GINM1: variants seen among roughly 807,000 people sequenced by gnomAD.
The protein encoded by GINM1 is glycosylated integral membrane protein 1.
GINM1 carries 29 observed loss-of-function variants against 37.8 expected under a neutral mutation model. The ratio of observed to expected loss-of-function variants is 0.77; its 90% confidence interval spans 0.57 to 1.05. GINM1 has a LOEUF of 1.05. Among genes scored for constraint, GINM1 ranks in the 50% least tolerant of loss-of-function variants. The pLI, the probability that GINM1 is intolerant of heterozygous loss-of-function variation, is 0.00. For synonymous variants in GINM1, 143 were observed against 146.2 expected, an observed-to-expected ratio of 0.98 and a Z score of 0.16; for missense variants, 377 against 397.9, an observed-to-expected ratio of 0.95 and a Z score of 0.45.
intron 7 of GINM1, 90 bp from the exon 8 acceptor site, chr6:149,590,634 ATAT>A (rs1360160959): frequency 1.5e-6 from 1 of 663,584 alleles, no homozygotes; most frequent in Non-Finnish European, 2.6e-6. Flanking sequence ...CCTTAGGTGT[ATAT>A]TATAACCTTG....
Position 149,566,853 on chromosome 6 carries a change from G to C in GINM1, c.120+319G>C, listed in dbSNP as rs1333045938. 6.6e-6 allele frequency among the ~76,000 whole-genome samples: 1 copy of C among 152,238 alleles called. No individual in the cohort carries two copies. The highest frequency in any genetic ancestry group is 1.5e-5 in the Non-Finnish European group (1 of 68,036). On this transcript the variant is annotated intron_variant, in intron 1 of 7. Transcript: ENST00000367419. The surrounding 1 kb of genome is among the most constrained non-coding windows in gnomAD (Gnocchi z 4.4). ...CGCGGTTGCCGGTGATCAGGCCTTC[G>C]TAATGGCGCCTTCCCGGGGTAGAGC... is the stretch of plus-strand genomic sequence containing the variant.
intron 1 of GINM1, among the ~76,000 whole-genome samples, chr6:149,570,139 TATATATATATATATATATATATATATATA>T: frequency 3.6e-4 from 1 of 2,792 alleles, no homozygotes; most frequent in African/African-American, 5.0e-4. Flanking sequence ...GTAGGTTTTA[TATATATATATATATATATATATATATATA>T]TATATATATA....
intron 1 of GINM1, among the ~76,000 whole-genome samples, chr6:149,572,078 A>AAAAT (rs35334853): frequency 0.4 from 60,046 of 150,180 alleles, 12,984 homozygotes; most frequent in East Asian, 0.83. Flanking sequence ...AGACTCTCAA[A>AAAAT]AAATAAATAA....
chr6:149,571,898 T>C (rs933235328), intron 1 of GINM1, among the ~76,000 whole-genome samples: 23 of 151,916 alleles, frequency 1.5e-4, no homozygotes, highest in Non-Finnish European at 3.2e-4. Context: ...CTGGCCAACA[T>C]GGTGAAACCC....
intron 5 of GINM1, 103 bp downstream of exon 5, chr6:149,580,093 G>T: frequency 1.3e-6 from 1 of 754,738 alleles, no homozygotes. Flanking sequence ...ATTTGCAAAA[G>T]TTGCTATTTA....
chr6:149,579,741 A>T, intron 4 of GINM1, 93 bp from the exon 5 acceptor site: 2 of 658,632 alleles, frequency 3.0e-6, no homozygotes, highest in Non-Finnish European at 5.1e-6. Flanking sequence ...CACATGTTTT[A>T]GTTATATAAA....
At chr6:149,568,005 C>T (rs917600451) in intron 1 of GINM1, among the ~76,000 whole-genome samples, 27 of 152,344 alleles carry the variant, frequency 1.8e-4, no homozygotes, top group African/African-American at 6.5e-4. Flanking sequence ...TGACTGCAGG[C>T]TTAAAATACA....
chr6:149,587,510 G>A (rs550737596), intron 7 of GINM1, among the ~76,000 whole-genome samples: 9 of 152,208 alleles, frequency 5.9e-5, no homozygotes, highest in East Asian at 5.8e-4. Context: ...TCTTTGGGGC[G>A]GCTCACAGAT....
At position 149,566,983 on chromosome 6, in the gene GINM1, C is replaced by T. The variant is rs1167323487; in HGVS notation, c.120+449C>T. On this transcript the variant is annotated intron_variant, in intron 1 of 7. Transcript: ENST00000367419. This position sits in a 1 kb window ranked among gnomAD's most constrained non-coding sequence, Gnocchi z 4.4. ...CTGCTCGGCCTGCGATCGCGAGGGTCCGCCGTTCCGAGGCTGCGGGGCTCC... is the reference window on the plus strand; with the variant it reads ...CTGCTCGGCCTGCGATCGCGAGGGTTCGCCGTTCCGAGGCTGCGGGGCTCC... Among the ~76,000 whole-genome samples, 5 of 152,266 alleles carry T rather than the reference C, an allele frequency of 3.3e-5. No homozygotes were observed. Among genetic ancestry groups the T allele is most frequent in the Non-Finnish European group, 7.3e-5 (5 of 68,046 alleles).
At position 149,591,033 on chromosome 6, in the gene GINM1, G is replaced by T. The variant is rs558419455; in HGVS notation, c.*195G>T. The T allele has an allele frequency of 5.0e-4, 250 of 496,322 alleles. No homozygotes were observed. Among genetic ancestry groups the T allele is most frequent in the Middle Eastern group, 1.0e-3 (2 of 1,996 alleles). 30.7% of individuals were successfully genotyped at this position (496,322 alleles called of 1,614,324 possible). On this transcript the variant is annotated 3_prime_UTR_variant, in exon 8 of 8. Transcript: ENST00000367419. Reference sequence around the variant, plus strand: ...TTCTCGGCCGGGTGCAGTGGCTCATGCCTGTAATCCCAGGACTTTGGGAGG... The same window carrying T: ...TTCTCGGCCGGGTGCAGTGGCTCATTCCTGTAATCCCAGGACTTTGGGAGG...
In GINM1 at chr6:149,588,795, TTTG is replaced by T. The variant is rs535417334; in HGVS notation, c.882-1907_882-1905del. On this transcript the variant is annotated intron_variant, in intron 7 of 7. Transcript: ENST00000367419. ...GGCACTTGCCACCCTGCCTGGCTAA[TTTG>T]TTGTTGTTGTTGTTGTTGTTGTTGA... Among the ~76,000 whole-genome samples, 710 of 150,910 alleles carry T rather than the reference TTTG, an allele frequency of 4.7e-3. 1 individual carries two copies. The highest frequency in any genetic ancestry group is 0.014 in the Middle Eastern group (4 of 290).
At chr6:149,582,934 A>G (rs1371443904) in intron 7 of GINM1, among the ~76,000 whole-genome samples, 1 of 152,026 alleles carries the variant, frequency 6.6e-6, no homozygotes, top group Admixed American at 6.6e-5. Context: ...ACAAAACCCG[A>G]GGACTTCATG....
intron 2 of GINM1, 80 bp from the exon 3 acceptor site, chr6:149,572,427 T>C: frequency 8.0e-7 from 1 of 1,251,424 alleles, no homozygotes; most frequent in Non-Finnish European, 1.1e-6. Flanking sequence ...CACGTCTCAT[T>C]TAGTTAATCT....
intron 5 of GINM1, 121 bp from the exon 6 acceptor site, chr6:149,580,472 A>AT (rs1582736194): frequency 9.4e-6 from 8 of 853,352 alleles, no homozygotes; most frequent in Non-Finnish European, 1.4e-5. Context: ...AGATGTGTTA[A>AT]TTTTTTCTCC....
At chr6:149,570,823 T>C (rs1777807466) in intron 1 of GINM1, among the ~76,000 whole-genome samples, 1 of 152,190 alleles carries the variant, frequency 6.6e-6, no homozygotes, top group African/African-American at 2.4e-5. Flanking sequence ...GTGAATAAAC[T>C]TAGGAAAGAA....
chr6:149,577,877 G>C (rs890064403), intron 3 of GINM1, among the ~76,000 whole-genome samples: 8 of 152,186 alleles, frequency 5.3e-5, no homozygotes, highest in Admixed American at 1.3e-4. Context: ...CTGTAAACCA[G>C]CTGCAGCTAC....
chr6:149,570,070 GA>G (rs1777786188), intron 1 of GINM1, among the ~76,000 whole-genome samples: 2 of 143,042 alleles, frequency 1.4e-5, no homozygotes, highest in East Asian at 4.3e-4. Flanking sequence ...TGGTTCTCTG[GA>G]AAATATAGTG....
chr6:149,566,540 G>A lies in GINM1; in HGVS notation c.120+6G>A. 1 of 1,507,950 alleles carries A rather than the reference G, an allele frequency of 6.6e-7. No individual in the cohort carries two copies. The highest frequency in any genetic ancestry group is 8.8e-7 in the Non-Finnish European group (1 of 1,134,302). The allele number at this position is 1,507,950 out of a possible 1,614,324, so 93.4% of individuals were successfully genotyped here. A position where few individuals can be genotyped will look rare whatever the true frequency, so the allele number is the denominator to read the frequency against. On this transcript the variant is annotated splice_donor_region_variant and intron_variant, in intron 1 of 7. Transcript: ENST00000367419. The surrounding 1 kb of genome is among the most constrained non-coding windows in gnomAD (Gnocchi z 4.4). ...CGCTGTCCGGAGCCCCACAGGTAGGGCAGGGCGGGCCTGGCTGGCCGCTTT... is the reference window on the plus strand; with the variant it reads ...CGCTGTCCGGAGCCCCACAGGTAGGACAGGGCGGGCCTGGCTGGCCGCTTT...
At position 149,566,399 on chromosome 6, in the gene GINM1, G is replaced by A. The variant is rs1414302932; in HGVS notation, c.-16G>A. ...CACCTCCCGGCCGCGGCTGCCCTCTGCCCGGGTTGTCCAAGATGGAGGGCG... is the reference window on the plus strand; with the variant it reads ...CACCTCCCGGCCGCGGCTGCCCTCTACCCGGGTTGTCCAAGATGGAGGGCG... On this transcript the variant is annotated 5_prime_UTR_variant, in exon 1 of 8. Coordinates refer to ENST00000367419, the MANE Select transcript of GINM1 (RefSeq NM_138785.5). This position sits in a 1 kb window ranked among gnomAD's most constrained non-coding sequence, Gnocchi z 4.4. 1.9e-5 allele frequency: 30 copies of A among 1,550,922 alleles called. No individual in the cohort carries two copies. The highest frequency in any genetic ancestry group is 2.5e-5 in the Non-Finnish European group (29 of 1,159,754).
Sources: gnomAD v4.1 joint callset for allele counts (sites outside exome capture counted in the v4.1 genomes callset) on GRCh38, gnomAD v4.1.1 for gene constraint, Gnocchi (gnomAD v3.1) non-coding constraint, MANE v1.5 for transcripts, NCBI Gene and HGNC (gene_info 2026-07-23, HGNC 2026-07-21) for gene names.